Variants in RARB observed in about 807,000 individuals in gnomAD.
RARB encodes HBV-activated protein.
A neutral mutation model predicts 51.9 loss-of-function variants in RARB; 17 were observed. The observed-to-expected ratio is 0.33, with a 90% CI of 0.22 to 0.49. RARB has a LOEUF of 0.49. Ranked by LOEUF, RARB falls within the 20% of genes least tolerant of loss-of-function variation. RARB has a pLI of 0.99. For missense variants in RARB, 369 were observed against 550.8 expected (o/e 0.67, Z 3.30); for synonymous variants, 215 against 195.4 (o/e 1.10, Z -0.84).
chr3:25,279,585 A>G (rs1049935531), intron 5 of RARB, among the ~76,000 whole-genome samples: 2 of 152,194 alleles, frequency 1.3e-5, no homozygotes, highest in African/African-American at 4.8e-5. Context: ...CTATTAAAAA[A>G]AAAAAAAGTT....
chr3:25,500,272 G>A (rs1697228460), intron 2 of RARB, among the ~76,000 whole-genome samples: 1 of 152,022 alleles, frequency 6.6e-6, no homozygotes, highest in East Asian at 1.9e-4. Context: ...GGACGACATA[G>A]CTCTAACATG....
chr3:25,362,642 A>T (rs912500392), intron 5 of RARB, among the ~76,000 whole-genome samples: 12 of 152,188 alleles, frequency 7.9e-5, no homozygotes, highest in Non-Finnish European at 1.3e-4. Flanking sequence ...GGTTGCAAAG[A>T]CCATGAGAAA....
At chr3:25,311,954 A>G (rs970481387) in intron 5 of RARB, among the ~76,000 whole-genome samples, 3 of 152,214 alleles carry the variant, frequency 2.0e-5, no homozygotes. Context: ...CAAAAGTTCA[A>G]GTAAAACACA....
chr3:25,187,302 C>T (rs932916309), intron 5 of RARB, among the ~76,000 whole-genome samples: 1 of 151,480 alleles, frequency 6.6e-6, no homozygotes, highest in South Asian at 2.1e-4. Flanking sequence ...TGTAAGAATG[C>T]TATATATTAT....
chr3:25,104,439 T>A (rs144466525), intron 3 of RARB, among the ~76,000 whole-genome samples: 3 of 152,094 alleles, frequency 2.0e-5, no homozygotes, highest in Admixed American at 2.0e-4. Context: ...CCCAGGAGTT[T>A]GAGACAAGCC....
intron 4 of RARB, among the ~76,000 whole-genome samples, chr3:25,158,058 C>T (rs1291074701): frequency 1.3e-5 from 2 of 152,206 alleles, no homozygotes; most frequent in Admixed American, 1.3e-4. Flanking sequence ...GATATTTGCA[C>T]CAATGAAGTT....
Position 25,569,841 on chromosome 3 carries a change from G to A in RARB, c.532G>A (p.Asp178Asn), listed in dbSNP as rs756224180. ...GAGCTATGAAATGACAGCTGAGTTG[G>A]ACGATCTCACAGAGAAGATCCGAAA... ...TESYEMTAEL[D>N]DLTEKIRKAH... The change falls in exon 4 of 8, where the codon GAC becomes AAC. Residue 178 changes from aspartate to asparagine, a missense_variant. By Grantham distance (23) the Asp-to-Asn change is conservative (BLOSUM62 1). Coordinates refer to ENST00000330688, the MANE Select transcript of RARB (RefSeq NM_000965.5). 5 of 1,614,194 alleles carry A rather than the reference G, an allele frequency of 3.1e-6. No individual in the cohort carries two copies. In the South Asian group the frequency reaches 4.4e-5, roughly 14 times the overall value.
intron 3 of RARB, among the ~76,000 whole-genome samples, chr3:25,084,648 C>A (rs1699072520): frequency 6.6e-6 from 1 of 151,694 alleles, no homozygotes; most frequent in African/African-American, 2.4e-5. Context: ...ATGAGTTTTT[C>A]TTTTGGGATT....
At chr3:24,889,907 T>TA (rs1703344372) in intron 2 of RARB, among the ~76,000 whole-genome samples, 3 of 132,886 alleles carry the variant, frequency 2.3e-5, no homozygotes, top group Admixed American at 7.8e-5. Context: ...AGAGCAGGCA[T>TA]GAAAAAAAAA....
At chr3:25,078,680 C>T (rs144004446) in intron 3 of RARB, among the ~76,000 whole-genome samples, 118 of 152,068 alleles carry the variant, frequency 7.8e-4, no homozygotes, top group Non-Finnish European at 1.2e-3. Context: ...TACAGGCATC[C>T]GCCACCACGC....
At chr3:24,966,777 T>C (rs35229906) in intron 2 of RARB, among the ~76,000 whole-genome samples, 1 of 152,060 alleles carries the variant, frequency 6.6e-6, no homozygotes, top group African/African-American at 2.4e-5. Context: ...TTTTTATCTT[T>C]CTGGTTATCA....
At chr3:25,230,824 C>T (rs944918523) in intron 5 of RARB, among the ~76,000 whole-genome samples, 5 of 151,998 alleles carry the variant, frequency 3.3e-5, no homozygotes, top group East Asian at 1.9e-4. Flanking sequence ...CTATTGAGCA[C>T]GTGCTCAATA....
At chr3:25,565,127 C>T (rs1045729024) in intron 3 of RARB, among the ~76,000 whole-genome samples, 11 of 152,158 alleles carry the variant, frequency 7.2e-5, no homozygotes, top group Non-Finnish European at 1.2e-4. Flanking sequence ...GTACTCACTA[C>T]GCTGTGGACT....
chr3:24,960,763 T>G (rs1320666575), intron 2 of RARB, among the ~76,000 whole-genome samples: 2 of 146,062 alleles, frequency 1.4e-5, no homozygotes, highest in East Asian at 3.9e-4. Context: ...CCTTTGGATT[T>G]TTTTTTTTTT....
At chr3:24,933,941 A>G (rs1287301500) in intron 2 of RARB, among the ~76,000 whole-genome samples, 1 of 152,126 alleles carries the variant, frequency 6.6e-6, no homozygotes, top group Non-Finnish European at 1.5e-5. Flanking sequence ...AAGGTAATCA[A>G]CTGTATACAT....
intron 2 of RARB, among the ~76,000 whole-genome samples, chr3:25,052,744 A>G (rs1325438507): frequency 6.6e-6 from 1 of 152,206 alleles, no homozygotes; most frequent in Non-Finnish European, 1.5e-5. Context: ...TCTTATCTTT[A>G]TCCTAAAGCA....
At chr3:25,220,812 A>G (rs925119905) in intron 5 of RARB, among the ~76,000 whole-genome samples, 1 of 152,298 alleles carries the variant, frequency 6.6e-6, no homozygotes, top group Non-Finnish European at 1.5e-5. Context: ...ATTGATGAAT[A>G]CACTAAGTCA....
intron 2 of RARB, among the ~76,000 whole-genome samples, chr3:25,050,801 T>G (rs141033754): frequency 6.6e-6 from 1 of 152,244 alleles, no homozygotes; most frequent in Non-Finnish European, 1.5e-5. Flanking sequence ...TCAACACTTA[T>G]GAATATGCAA....
intron 2 of RARB, among the ~76,000 whole-genome samples, chr3:24,981,528 G>C (rs531719579): frequency 1.5e-4 from 23 of 152,280 alleles, no homozygotes; most frequent in Admixed American, 7.2e-4. Context: ...CAGTGTCCCA[G>C]GTCGATCCCA....
Sources: allele counts gnomAD v4.1 joint callset (sites outside exome capture counted in the v4.1 genomes callset), GRCh38; gene constraint gnomAD v4.1.1; transcripts MANE v1.5; gene names NCBI Gene and HGNC (gene_info 2026-07-23, HGNC 2026-07-21).